Variants in ARHGAP6 observed in about 807,000 individuals in gnomAD.
ARHGAP6 encodes rho GTPase-activating protein 6.
ARHGAP6 carries 16 observed loss-of-function variants against 55.7 expected under a neutral mutation model. That is an observed-to-expected ratio of 0.29 (90% CI 0.19 to 0.44). The LOEUF is 0.44. ARHGAP6 is among the 20% of genes least tolerant of loss of function. ARHGAP6 has a pLI of 1.00. For synonymous variants in ARHGAP6, 382 were observed against 360.9 expected (o/e 1.06, Z -0.66); for missense variants, 698 against 808.9 (o/e 0.86, Z 1.66).
intron 1 of ARHGAP6, among the ~76,000 whole-genome samples, chrX:11,496,867 T>C (rs2050627883): frequency 8.9e-6 from 1 of 112,192 alleles, no homozygotes; most frequent in Admixed American, 9.5e-5. Flanking sequence ...AGAATCATTA[T>C]CCATAAAATA....
chrX:11,485,116 T>C (rs12012553), intron 1 of ARHGAP6, among the ~76,000 whole-genome samples: 9,263 of 111,716 alleles, frequency 0.083, 411 homozygotes, highest in East Asian at 0.18. Context: ...ATCCTTAACA[T>C]TAAGTAAAAG....
intron 1 of ARHGAP6, among the ~76,000 whole-genome samples, chrX:11,261,225 G>T (rs748448944): frequency 8.9e-6 from 1 of 111,763 alleles, no homozygotes; most frequent in East Asian, 2.8e-4. Context: ...CATGAGGGGA[G>T]AAAATAAATG....
At chrX:11,188,144 A>G (rs1309128273) in intron 4 of ARHGAP6, among the ~76,000 whole-genome samples, 1 of 112,462 alleles carries the variant, frequency 8.9e-6, no homozygotes, top group East Asian at 2.8e-4. Context: ...CCAATCACCA[A>G]CCAGTTTGCA....
chrX:11,142,281 T>C lies in ARHGAP6; in HGVS notation c.2209A>G (p.Thr737Ala). Residue 737 changes from threonine (T) to alanine (A), a missense_variant, in exon 12 of 13, where the codon ACT becomes GCT. Around this residue, in one of 3 missense-constraint regions of ARHGAP6, gnomAD observed 322 missense variants for 451.1 expected, o/e 0.71. Transcript: ENST00000337414. ...CCGCTTTTTAATGTTGAATGCCAAG[T>C]TCCCCAGATATCGAAAGGCTCCTCT... The part of the protein sequence containing the change: ...LSEEPFDIWG[T>A]WHSTLKSGSK... 2 of 1,202,923 alleles carry C rather than the reference T, an allele frequency of 1.7e-6. No homozygotes were observed. Among genetic ancestry groups the C allele is most frequent in the Non-Finnish European group, 2.2e-6 (2 of 889,635 alleles).
At chrX:11,520,132 T>TATATATATAC (rs1491476175) in intron 1 of ARHGAP6, among the ~76,000 whole-genome samples, 8 of 6,517 alleles carry the variant, frequency 1.2e-3, no homozygotes, top group Non-Finnish European at 1.8e-3. Context: ...GAATTGATTT[T>TATATATATAC]ATATATATAT....
At chrX:11,541,417 A>G in intron 1 of ARHGAP6, among the ~76,000 whole-genome samples, 1 of 111,062 alleles carries the variant, frequency 9.0e-6, no homozygotes, top group Non-Finnish European at 1.9e-5. Flanking sequence ...TGGTTGGGGT[A>G]TGGGCTCTGG....
intron 1 of ARHGAP6, among the ~76,000 whole-genome samples, chrX:11,373,449 C>G (rs1173345542): frequency 1.8e-5 from 2 of 110,990 alleles, no homozygotes; most frequent in African/African-American, 6.5e-5. Flanking sequence ...AGCAAGGTGG[C>G]TAAAATTTGA....
At chrX:11,549,936 A>G (rs1384442463) in intron 1 of ARHGAP6, among the ~76,000 whole-genome samples, 1 of 112,365 alleles carries the variant, frequency 8.9e-6, no homozygotes, top group Non-Finnish European at 1.9e-5. Context: ...CCAAGAGGAT[A>G]ATCCCCTGTT....
chrX:11,456,607 CCCACTGATGCCTCCT>C (rs1465480874), intron 1 of ARHGAP6, among the ~76,000 whole-genome samples: 53 of 111,451 alleles, frequency 4.8e-4, no homozygotes, highest in African/African-American at 1.7e-3. Context: ...GTGGGGCAAG[CCCACTGATGCCTCCT>C]TGGGCCCAGC....
intron 1 of ARHGAP6, among the ~76,000 whole-genome samples, chrX:11,422,139 A>G (rs1294555237): frequency 9.0e-6 from 1 of 111,652 alleles, no homozygotes; most frequent in African/African-American, 3.3e-5. Context: ...CCAAGTGGTG[A>G]TGTGAACAAT....
chrX:11,269,816 G>A (rs138664006), intron 1 of ARHGAP6, among the ~76,000 whole-genome samples: 27 of 111,381 alleles, frequency 2.4e-4, no homozygotes, highest in African/African-American at 8.5e-4. Flanking sequence ...GTAGCTGTCC[G>A]TCCTTTCCCC....
In ARHGAP6 at chrX:11,354,295, T is replaced by TTCTCTCTC. The variant is rs1206233633; in HGVS notation, c.589-99596_589-99589dup. Among the ~76,000 whole-genome samples, 186 of 41,014 alleles carry TTCTCTCTC rather than the reference T, an allele frequency of 4.5e-3. 2 individuals carry two copies. The highest frequency in any genetic ancestry group is 6.6e-3 in the Non-Finnish European group (160 of 24,290). The allele number at this position is 41,014 out of a possible 115,157, so 35.6% of individuals were successfully genotyped here. A position where few individuals can be genotyped will look rare whatever the true frequency, so the allele number is the denominator to read the frequency against. Reference sequence around the variant, plus strand: ...TCTCTCTCTCTCTCTCTCTCTCTCTTTCTCTCTCTCTCTCTCTCTCTCTCT... The same window carrying TTCTCTCTC: ...TCTCTCTCTCTCTCTCTCTCTCTCTTTCTCTCTCTCTCTCTCTCTCTCTCTCTCTCTCT... On this transcript the variant is annotated intron_variant, in intron 1 of 12. Coordinates refer to ENST00000337414, the MANE Select transcript of ARHGAP6 (RefSeq NM_013427.3).
rs1301870851 is a variant in ARHGAP6 at position 11,557,839 on chromosome X, T to C, written c.588+106402A>G. ...TACAACCTATTAATCAAACTCAGCC[T>C]TGGTTTTGAGCAAATCTTAATTCCA... is the stretch of plus-strand genomic sequence containing the variant. On this transcript the variant is annotated intron_variant, in intron 1 of 12. Transcript: ENST00000337414. Among the ~76,000 whole-genome samples, 21 of 112,213 alleles carry C rather than the reference T, an allele frequency of 1.9e-4. 1 individual carries two copies. The Admixed American group carries it at 2.0e-3, about 11-fold the overall frequency.
At chrX:11,396,775 A>T (rs746289210) in intron 1 of ARHGAP6, among the ~76,000 whole-genome samples, 16 of 111,549 alleles carry the variant, frequency 1.4e-4, no homozygotes, top group African/African-American at 3.6e-4. Flanking sequence ...ACTTTTTTTT[A>T]AAAAAATCTC....
At chrX:11,655,087 T>C (rs1393267426) in intron 1 of ARHGAP6, among the ~76,000 whole-genome samples, 1 of 111,904 alleles carries the variant, frequency 8.9e-6, no homozygotes, top group African/African-American at 3.2e-5. Context: ...AAGTAATCTT[T>C]TTGTCTCTAT....
At chrX:11,591,260 T>C (rs1257991542) in intron 1 of ARHGAP6, among the ~76,000 whole-genome samples, 4 of 109,907 alleles carry the variant, frequency 3.6e-5, no homozygotes, top group African/African-American at 9.8e-5. Flanking sequence ...CAAATGTATA[T>C]TGTTATCCCA....
At chrX:11,570,034 T>C (rs939810500) in intron 1 of ARHGAP6, among the ~76,000 whole-genome samples, 2 of 112,114 alleles carry the variant, frequency 1.8e-5, no homozygotes, top group African/African-American at 6.5e-5. Flanking sequence ...TGAAAAGAAA[T>C]GTGTTAGAAA....
At chrX:11,497,559 T>TCTCTCTCTC (rs2050635811) in intron 1 of ARHGAP6, among the ~76,000 whole-genome samples, 23 of 41,135 alleles carry the variant, frequency 5.6e-4, no homozygotes, top group South Asian at 2.7e-3. Context: ...CCCTCCCTCC[T>TCTCTCTCTC]TCTCTCTCTC....
intron 1 of ARHGAP6, among the ~76,000 whole-genome samples, chrX:11,345,992 G>T (rs1163485256): frequency 9.1e-6 from 1 of 109,385 alleles, no homozygotes; most frequent in Non-Finnish European, 1.9e-5. Flanking sequence ...AGAGATGAGG[G>T]TTTCTCTATG....
Sources: gnomAD v4.1 joint callset for allele counts (sites outside exome capture counted in the v4.1 genomes callset) on GRCh38, gnomAD v4.1.1 for gene constraint, gnomAD v4.1.1 regional missense constraint, MANE v1.5 for transcripts, NCBI Gene and HGNC (gene_info 2026-07-23, HGNC 2026-07-21) for gene names.